Variants in DNAAF1 observed in about 807,000 individuals in gnomAD.
DNAAF1 encodes the protein dynein axonemal assembly factor 1.
A neutral mutation model predicts 71.1 loss-of-function variants in DNAAF1; 65 were observed. That is an observed-to-expected ratio of 0.91 (90% confidence interval 0.75 to 1.12). The LOEUF is 1.12. Among genes scored for constraint, DNAAF1 ranks in the 50% most tolerant of loss-of-function variants. The pLI is 0.00. For missense variants in DNAAF1, 1,178 were observed against 899.8 expected, an observed-to-expected ratio of 1.31 and a Z score of -3.96; for synonymous variants, 414 against 354.6, an observed-to-expected ratio of 1.17 and a Z score of -1.88.
chr16:84,176,467 G>A (rs941658253), intron 11 of DNAAF1, 168 bp downstream of exon 11: 1 of 1,089,708 alleles, frequency 9.2e-7, no homozygotes, highest in Non-Finnish European at 1.3e-6. Flanking sequence ...GAGTTCACGG[G>A]TCTGAAGCTG....
intron 5 of DNAAF1, among the ~76,000 whole-genome samples, chr16:84,158,635 T>C (rs1313262528): frequency 6.6e-6 from 1 of 152,212 alleles, no homozygotes; most frequent in African/African-American, 2.4e-5. Flanking sequence ...TTTACCCCTT[T>C]ATTGCTGCCT....
intron 5 of DNAAF1, 134 bp from the exon 6 acceptor site, chr16:84,159,541 C>T (rs762808611): frequency 3.9e-5 from 48 of 1,244,342 alleles, no homozygotes; most frequent in Non-Finnish European, 5.2e-5. Flanking sequence ...CATCAAGTCA[C>T]CAGGACAGGA....
chr16:84,159,601 T>C (rs1461902878), intron 5 of DNAAF1, 74 bp from the exon 6 acceptor site: 14 of 1,536,104 alleles, frequency 9.1e-6, no homozygotes, highest in Non-Finnish European at 1.1e-5. Context: ...CATTTATTCT[T>C]AGTGCACAGC....
At chr16:84,161,813 C>T (rs1345060574) in intron 6 of DNAAF1, among the ~76,000 whole-genome samples, 1 of 152,028 alleles carries the variant, frequency 6.6e-6, no homozygotes, top group South Asian at 2.1e-4. Context: ...ACCTTCTCCA[C>T]TTGATGTCTC....
chr16:84,151,075 A>C (rs1409628214), intron 3 of DNAAF1, among the ~76,000 whole-genome samples: 2 of 152,192 alleles, frequency 1.3e-5, no homozygotes, highest in Non-Finnish European at 1.5e-5. Context: ...GTTGGAGGCC[A>C]GTATCACATA....
chr16:84,175,424 G>A (rs1186552400), intron 10 of DNAAF1: 2 of 182,676 alleles, frequency 1.1e-5, no homozygotes, highest in Non-Finnish European at 2.3e-5. Context: ...AATTCTCTCA[G>A]AGTGACGTGA....
chr16:84,160,574 G>T (rs1406579156), intron 6 of DNAAF1, among the ~76,000 whole-genome samples: 1 of 152,150 alleles, frequency 6.6e-6, no homozygotes, highest in Non-Finnish European at 1.5e-5. Context: ...CTTGTAATGT[G>T]TTTTTAAACT....
intron 10 of DNAAF1, 166 bp downstream of exon 10, chr16:84,174,888 C>T: frequency 2.2e-6 from 2 of 927,768 alleles, no homozygotes; most frequent in East Asian, 2.8e-5. Context: ...CAGAGTCTGG[C>T]TCTGTCACCC....
Position 84,165,957 on chromosome 16 carries a change from C to T in DNAAF1, c.1030+8C>T, listed in dbSNP as rs2151253101. On this transcript the variant is annotated splice_region_variant and intron_variant, in intron 7 of 11. Transcript: ENST00000378553. ...GAGAGAGTCAAGAGAGAGGTATGCG[C>T]TCGGCCGAAGACAACAGCCCCAGAG... 1 of 1,612,124 alleles carries T rather than the reference C, an allele frequency of 6.2e-7. No homozygotes were observed. Among genetic ancestry groups the T allele is most frequent in the Non-Finnish European group, 8.5e-7 (1 of 1,179,534 alleles).
intron 7 of DNAAF1, among the ~76,000 whole-genome samples, chr16:84,167,762 TC>T (rs1367360345): frequency 1.3e-5 from 2 of 152,176 alleles, no homozygotes; most frequent in African/African-American, 4.8e-5. Flanking sequence ...ATGCCTGTAA[TC>T]CCAGCACTTT....
intron 9 of DNAAF1, chr16:84,173,015 C>T: frequency 1.0e-6 from 1 of 992,514 alleles, no homozygotes; most frequent in Non-Finnish European, 1.2e-6. Context: ...CCCCCAAGAA[C>T]TGTCCTTTGA....
At chr16:84,165,166 A>G (rs1228088186) in intron 6 of DNAAF1, among the ~76,000 whole-genome samples, 2 of 151,764 alleles carry the variant, frequency 1.3e-5, no homozygotes, top group Non-Finnish European at 2.9e-5. Context: ...TTTCCCAGTT[A>G]TCTTTTTTTG....
chr16:84,171,272 C>T (rs981816062), intron 8 of DNAAF1, among the ~76,000 whole-genome samples: 1 of 152,040 alleles, frequency 6.6e-6, no homozygotes, highest in Admixed American at 6.6e-5. Flanking sequence ...GCCCCCTTCC[C>T]CGCAACCCCC....
intron 6 of DNAAF1, among the ~76,000 whole-genome samples, chr16:84,163,627 C>T (rs549674833): frequency 1.3e-4 from 20 of 152,202 alleles, no homozygotes; most frequent in African/African-American, 4.3e-4. Context: ...GATCCACCCA[C>T]CTCGGCCTCC....
intron 5 of DNAAF1, 67 bp from the exon 6 acceptor site, chr16:84,159,608 C>A: frequency 6.5e-7 from 1 of 1,546,704 alleles, no homozygotes; most frequent in Admixed American, 1.9e-5. Flanking sequence ...TCTTAGTGCA[C>A]AGCACATATA....
chr16:84,167,202 G>A (rs2151257148), intron 7 of DNAAF1, among the ~76,000 whole-genome samples: 1 of 152,252 alleles, frequency 6.6e-6, no homozygotes, highest in East Asian at 1.9e-4. Context: ...ATTAATAAAG[G>A]ATAAAATAAG....
intron 6 of DNAAF1, among the ~76,000 whole-genome samples, chr16:84,163,421 C>G (rs2087812650): frequency 6.6e-6 from 1 of 150,966 alleles, no homozygotes; most frequent in Admixed American, 6.6e-5. Context: ...TGCCCTGTCG[C>G]CCAGGCAGGA....
rs755700845 is a variant in DNAAF1 at position 84,149,008 on chromosome 16, A to T, written c.126A>T (p.Glu42Asp). ...GSAGRGGCKE[E>D]INDPKEICVG... ...GACCTGATCTCTTTTATTTTACAGA[A>T]ATTAATGATCCTAAGGAAATATGTG... is the stretch of plus-strand genomic sequence containing the variant. Residue 42 changes from glutamate (E) to aspartate (D), a missense_variant and splice_region_variant, in exon 2 of 12, where the codon GAA becomes GAT. By Grantham distance (45) the Glu-to-Asp change is conservative. Transcript: ENST00000378553. 6 of 1,614,064 alleles carry T rather than the reference A, an allele frequency of 3.7e-6. No individual in the cohort carries two copies. In the South Asian group the frequency reaches 6.6e-5, roughly 18 times the overall value.
intron 5 of DNAAF1, among the ~76,000 whole-genome samples, chr16:84,157,510 CAAAA>C (rs59707812): frequency 8.5e-5 from 7 of 82,330 alleles, no homozygotes; most frequent in Admixed American, 2.9e-4. Flanking sequence ...GACACTGTGT[CAAAA>C]AAAAAAAAAA....
Sources: gnomAD v4.1 joint callset for allele counts (sites outside exome capture counted in the v4.1 genomes callset) on GRCh38, gnomAD v4.1.1 for gene constraint, MANE v1.5 for transcripts, NCBI Gene and HGNC (gene_info 2026-07-23, HGNC 2026-07-21) for gene names.